The following PUS7L variants were observed in gnomAD, a reference collection of about 807,000 sequenced individuals.
PUS7L encodes pseudouridine synthase 7 like.
PUS7L carries 49 observed loss-of-function variants against 51.1 expected under a neutral mutation model. That is an observed-to-expected ratio of 0.96 (90% CI 0.76 to 1.22). PUS7L has a LOEUF of 1.22. Ranked by LOEUF, PUS7L falls within the 50% of genes most tolerant of loss-of-function variation. The probability of loss-of-function intolerance (pLI) is 0.00; values close to 1 mark genes in which losing one functional copy is unlikely to be tolerated. For synonymous variants in PUS7L, 277 were observed against 276.2 expected (o/e 1.00, Z -0.03); for missense variants, 828 against 820.6 (o/e 1.01, Z -0.11).
chr12:43,742,660 C>G, intron 4 of PUS7L, 105 bp from the exon 5 acceptor site: 1 of 1,418,190 alleles, frequency 7.1e-7, no homozygotes, highest in Non-Finnish European at 9.2e-7. Context: ...CAGAATAACT[C>G]TGTAATCAGC....
chr12:43,742,683 G>A, intron 4 of PUS7L, 128 bp from the exon 5 acceptor site: 4 of 1,271,102 alleles, frequency 3.1e-6, no homozygotes, highest in Non-Finnish European at 3.0e-6. Flanking sequence ...TATACACATA[G>A]GGACCAAATG....
intron 4 of PUS7L, among the ~76,000 whole-genome samples, chr12:43,743,560 G>C (rs1938007884): frequency 6.6e-6 from 1 of 152,150 alleles, no homozygotes; most frequent in Non-Finnish European, 1.5e-5. Context: ...TCAGGAGATG[G>C]AGACCATCCT....
At position 43,755,184 on chromosome 12, in the gene PUS7L, A is replaced by G. The variant is rs1938643091; in HGVS notation, c.62T>C (p.Val21Ala). ...GCTTTTTATAGTGCCATGAAATCCA[A>G]CGTGATCATTAAAGAAACACAAAGA... Reference protein sequence around the residue: ...FSSLCFFNDHVGFHGTIKSSP... With the variant: ...FSSLCFFNDHAGFHGTIKSSP... Residue 21 changes from valine (V) to alanine (A), a missense_variant, in exon 2 of 9, where the codon GTT becomes GCT. Physicochemically the swap from Val to Ala is moderately conservative, Grantham distance 64 (BLOSUM62 0). Transcript: ENST00000344862. 1 of 1,611,678 alleles carries G rather than the reference A, an allele frequency of 6.2e-7. No homozygotes were observed. The highest frequency in any genetic ancestry group is 1.7e-5 in the Admixed American group (1 of 59,582).
chr12:43,732,668 C>A (rs533979239), intron 7 of PUS7L, among the ~76,000 whole-genome samples: 3 of 152,180 alleles, frequency 2.0e-5, no homozygotes, highest in African/African-American at 2.4e-5. Context: ...AAGGCTTCAG[C>A]GCATTCTCAT....
chr12:43,741,128 A>AT (rs1287334646), intron 5 of PUS7L: 1 of 152,186 alleles, frequency 6.6e-6, no homozygotes, highest in Admixed American at 6.5e-5. Context: ...CTAAAGCAAA[A>AT]TTTTTTAAAA....
intron 2 of PUS7L, among the ~76,000 whole-genome samples, chr12:43,751,605 C>T (rs1449419636): frequency 6.6e-6 from 1 of 152,212 alleles, no homozygotes; most frequent in African/African-American, 2.4e-5. Context: ...CGTTGTTGGA[C>T]ATTTGGGTTG....
intron 5 of PUS7L, among the ~76,000 whole-genome samples, chr12:43,740,140 AT>A (rs1372710108): frequency 1.3e-5 from 2 of 152,202 alleles, no homozygotes; most frequent in Non-Finnish European, 2.9e-5. Flanking sequence ...ATCCTAAATG[AT>A]TAAAAGATGT....
At chr12:43,739,317 A>G (rs1001744693) in intron 5 of PUS7L, 3 of 152,326 alleles carry the variant, frequency 2.0e-5, no homozygotes, top group African/African-American at 7.2e-5. Context: ...ATCACTCAGA[A>G]AGACAACATT....
intron 7 of PUS7L, among the ~76,000 whole-genome samples, chr12:43,732,999 A>C (rs1944595891): frequency 6.6e-6 from 1 of 152,214 alleles, no homozygotes; most frequent in South Asian, 2.1e-4. Context: ...AATTTATGAA[A>C]ACATCGAATA....
At chr12:43,753,377 A>G (rs933449304) in intron 2 of PUS7L, among the ~76,000 whole-genome samples, 1 of 152,198 alleles carries the variant, frequency 6.6e-6, no homozygotes, top group Non-Finnish European at 1.5e-5. Flanking sequence ...TAAACATGTT[A>G]AAAATTTCAT....
chr12:43,736,696 C>A, intron 6 of PUS7L, 35 bp from the exon 7 acceptor site: 2 of 1,584,946 alleles, frequency 1.3e-6, no homozygotes, highest in Non-Finnish European at 1.7e-6. Flanking sequence ...TAGTTAGCCA[C>A]TTTTATTTAA....
chr12:43,737,186 C>T (rs924417717), intron 6 of PUS7L, among the ~76,000 whole-genome samples: 5 of 152,126 alleles, frequency 3.3e-5, no homozygotes, highest in Non-Finnish European at 5.9e-5. Flanking sequence ...TGCTTATTCA[C>T]GTATGGCCTT....
chr12:43,724,975 A>G lies in PUS7L; in HGVS notation c.*5401T>C, dbSNP rs911722011. 3 of 152,182 alleles carry G rather than the reference A, an allele frequency of 2.0e-5. No individual in the cohort carries two copies. Among genetic ancestry groups the G allele is most frequent in the African/African-American group, 7.2e-5 (3 of 41,450 alleles). 9.4% of individuals were successfully genotyped at this position (152,182 alleles called of 1,614,324 possible). ...AATGCAATCCTATTACATTCTAGCT[A>G]CATATTATATTGTTGACTGCTGATG... On this transcript the variant is annotated 3_prime_UTR_variant, in exon 9 of 9. Coordinates refer to ENST00000344862, the MANE Select transcript of PUS7L (RefSeq NM_031292.5).
At chr12:43,736,310 C>A in intron 7 of PUS7L, 71 bp downstream of exon 7, 1 of 1,271,330 alleles carries the variant, frequency 7.9e-7, no homozygotes, top group South Asian at 1.3e-5. Flanking sequence ...TTTCTATAAT[C>A]AGGGCTTTTG....
chr12:43,739,529 G>C (rs1937789261), intron 5 of PUS7L: 1 of 152,302 alleles, frequency 6.6e-6, no homozygotes, highest in African/African-American at 2.4e-5. Flanking sequence ...TGCCTCCCGG[G>C]TTCAACCTAT....
At chr12:43,739,754 T>C (rs763075998) in intron 5 of PUS7L, 1 of 152,122 alleles carries the variant, frequency 6.6e-6, no homozygotes, top group Non-Finnish European at 1.5e-5. Context: ...GCTGGAAATA[T>C]AAAAGATGGT....
intron 2 of PUS7L, among the ~76,000 whole-genome samples, chr12:43,750,387 TATTTA>T (rs1565642994): frequency 6.6e-6 from 1 of 152,254 alleles, no homozygotes; most frequent in Non-Finnish European, 1.5e-5. Context: ...CAATTTAAAA[TATTTA>T]ATTGATTTAA....
At chr12:43,756,811 A>C (rs562301383) in intron 1 of PUS7L, among the ~76,000 whole-genome samples, 1 of 152,318 alleles carries the variant, frequency 6.6e-6, no homozygotes, top group Non-Finnish European at 1.5e-5. Context: ...GATATTGTGA[A>C]GGTCCCTAAC....
rs1944526296 is a variant in PUS7L, at chr12:43,730,526, T to C, written c.1956A>G (p.Ser652=). The change falls in exon 9 of 9, where the codon TCA becomes TCG. Residue 652 remains serine (S), a synonymous_variant. Coordinates refer to ENST00000344862, the MANE Select transcript of PUS7L (RefSeq NM_031292.5). ...RQILKHPCNL[S]YQLMEDHDID... ...TGTCATGATCTTCCATTAGTTGGTA[T>C]GAGAGATTACAGGGATGTTTCAAAA... 6.2e-7 allele frequency: 1 copy of C among 1,613,890 alleles called. No homozygotes were observed. The highest frequency in any genetic ancestry group is 8.5e-7 in the Non-Finnish European group (1 of 1,179,822).
Sources: gnomAD v4.1 joint callset for allele counts (sites outside exome capture counted in the v4.1 genomes callset) on GRCh38, gnomAD v4.1.1 for gene constraint, MANE v1.5 for transcripts, NCBI Gene and HGNC (gene_info 2026-07-23, HGNC 2026-07-21) for gene names.